THSD7B: variants seen among roughly 807,000 people sequenced by gnomAD.
THSD7B encodes the protein thrombospondin type-1 domain-containing protein 7B.
In THSD7B, 138 loss-of-function variants were observed where a neutral mutation model predicts 213.6. The ratio of observed to expected loss-of-function variants is 0.65; its 90% confidence interval spans 0.56 to 0.74. The LOEUF is 0.74. THSD7B is among the 30% of genes least tolerant of loss of function. THSD7B has a pLI of 0.00. For missense variants in THSD7B, 1,931 were observed against 1,991.5 expected, an observed-to-expected ratio of 0.97 and a Z score of 0.58; for synonymous variants, 742 against 687.0, an observed-to-expected ratio of 1.08 and a Z score of -1.25.
chr2:137,111,687 C>T (rs1422108614), intron 4 of THSD7B, among the ~76,000 whole-genome samples: 1 of 152,106 alleles, frequency 6.6e-6, no homozygotes, highest in Non-Finnish European at 1.5e-5. Flanking sequence ...TGCCCTGATA[C>T]CCTAGTAGTC....
Position 137,657,147 on chromosome 2 carries a change from C to A in THSD7B, c.4362C>A (p.Gly1454=). ...CTGTATGGTGCCAGCGTTCAGATGG[C>A]GTTAATGTCACAGGTATTCCTGCCT... The part of the protein sequence containing the change: ...ERTVWCQRSD[G]VNVTGGCSPQ... The change falls in exon 24 of 28, where the codon GGC becomes GGA. Residue 1454 remains glycine (G), a synonymous_variant. Coordinates refer to ENST00000409968, the MANE Select transcript of THSD7B (RefSeq NM_001316349.2). The A allele has an allele frequency of 6.2e-7, 1 of 1,613,912 alleles. No homozygotes were observed.
intron 2 of THSD7B, among the ~76,000 whole-genome samples, chr2:136,998,909 G>GACACAC (rs57138045): frequency 0.023 from 2,971 of 129,880 alleles, 47 homozygotes; most frequent in South Asian, 0.037. Context: ...ATACCCAACA[G>GACACAC]ACACACACAC....
intron 15 of THSD7B, among the ~76,000 whole-genome samples, chr2:137,478,414 CTG>C (rs1688234442): frequency 6.6e-6 from 1 of 152,000 alleles, no homozygotes; most frequent in Non-Finnish European, 1.5e-5. Flanking sequence ...TTGAAAATTT[CTG>C]TGTGTTTTTT....
chr2:137,066,110 A>G (rs955413370), intron 3 of THSD7B, among the ~76,000 whole-genome samples: 10 of 150,244 alleles, frequency 6.7e-5, no homozygotes, highest in South Asian at 2.1e-4. Flanking sequence ...CTCAATTTTT[A>G]TATGAGAAAA....
intron 2 of THSD7B, among the ~76,000 whole-genome samples, chr2:136,944,712 CT>C (rs146788302): frequency 0.41 from 52,429 of 127,556 alleles, 10,696 homozygotes; most frequent in Non-Finnish European, 0.52. Flanking sequence ...GCAACCCCTG[CT>C]TTTTTTTTTT....
chr2:137,434,062 T>C lies in THSD7B; in HGVS notation c.2960-16783T>C, dbSNP rs543344926. On this transcript the variant is annotated intron_variant, in intron 14 of 27. Coordinates refer to ENST00000409968, the MANE Select transcript of THSD7B (RefSeq NM_001316349.2). ...ATTTGATAAGCATGCCATCTGTGTC[T>C]TTATCCAAGTTGTTAATCAAAATGT... is the stretch of plus-strand genomic sequence containing the variant. Among the ~76,000 whole-genome samples the C allele has an allele frequency of 3.3e-5, 5 of 152,338 alleles. No individual in the cohort carries two copies. In the East Asian group the frequency reaches 9.7e-4, roughly 29 times the overall value.
intron 12 of THSD7B, among the ~76,000 whole-genome samples, chr2:137,321,013 C>T (rs1206000325): frequency 6.6e-6 from 1 of 152,192 alleles, no homozygotes; most frequent in Non-Finnish European, 1.5e-5. Flanking sequence ...CATTAAGCCA[C>T]AAGTTTCTCA....
chr2:137,015,238 A>G (rs1686316743), intron 2 of THSD7B, among the ~76,000 whole-genome samples: 1 of 152,110 alleles, frequency 6.6e-6, no homozygotes, highest in Non-Finnish European at 1.5e-5. Flanking sequence ...CTCATTCTAA[A>G]TGCCAGTTAT....
At chr2:137,448,238 G>A (rs538294508) in intron 14 of THSD7B, among the ~76,000 whole-genome samples, 19 of 152,280 alleles carry the variant, frequency 1.2e-4, no homozygotes, top group African/African-American at 4.3e-4. Context: ...GAACAGAAAA[G>A]GAAGACAATT....
rs186411641 is a variant in THSD7B, at chr2:137,313,879, G to A, written c.2500+37853G>A. Among the ~76,000 whole-genome samples, 6 of 152,324 alleles carry A rather than the reference G, an allele frequency of 3.9e-5. No homozygotes were observed. The East Asian group carries it at 1.2e-3, about 29-fold the overall frequency. On this transcript the variant is annotated intron_variant, in intron 12 of 27. Coordinates refer to ENST00000409968, the MANE Select transcript of THSD7B (RefSeq NM_001316349.2). ...TAGAGTTTCTGCCGAGAGATCTGCT[G>A]TTAGTCTGATGGGCTTCCCTTTGAG...
rs553697315 is a variant in THSD7B at position 137,084,237 on chromosome 2, G to A, written c.951-10636G>A. 2.8e-3 allele frequency among the ~76,000 whole-genome samples: 433 copies of A among 152,138 alleles called. 2 individuals are homozygous for A. The highest frequency in any genetic ancestry group is 4.8e-3 in the Admixed American group (74 of 15,262). On this transcript the variant is annotated intron_variant, in intron 3 of 27. Transcript: ENST00000409968. The stretch of plus-strand genomic sequence containing the variant: ...AACACAGCTATGTCTGCTGTATTGG[G>A]GAAATCTACTTACATGACAGTGAAA...
intron 2 of THSD7B, among the ~76,000 whole-genome samples, chr2:136,915,292 A>G (rs1372658040): frequency 6.6e-6 from 1 of 152,228 alleles, no homozygotes; most frequent in African/African-American, 2.4e-5. Flanking sequence ...CAGAGCGTAG[A>G]AATAATCGGA....
chr2:137,210,419 A>G (rs1353586835), intron 7 of THSD7B, among the ~76,000 whole-genome samples: 1 of 152,118 alleles, frequency 6.6e-6, no homozygotes, highest in Non-Finnish European at 1.5e-5. Flanking sequence ...GAAGTATTCT[A>G]TAAATTATGT....
At chr2:137,538,331 T>A (rs190070652) in intron 15 of THSD7B, among the ~76,000 whole-genome samples, 3 of 151,738 alleles carry the variant, frequency 2.0e-5, no homozygotes, top group African/African-American at 7.2e-5. Flanking sequence ...AGGGTAACAT[T>A]CAAATTGTAG....
intron 1 of THSD7B, among the ~76,000 whole-genome samples, chr2:136,777,012 C>G (rs909918044): frequency 6.6e-6 from 1 of 151,984 alleles, no homozygotes; most frequent in African/African-American, 2.4e-5. Context: ...TGTTGGGACT[C>G]GACATGTGTT....
At chr2:137,667,704 G>A in intron 26 of THSD7B, 70 bp from the exon 27 acceptor site, 1 of 1,288,868 alleles carries the variant, frequency 7.8e-7, no homozygotes, top group Non-Finnish European at 1.1e-6. Flanking sequence ...CAGATCTGAT[G>A]TTGCCCTATC....
In THSD7B at chr2:137,242,459, G is replaced by A; in HGVS notation, c.2153G>A (p.Cys718Tyr). 1 of 1,612,564 alleles carries A rather than the reference G, an allele frequency of 6.2e-7. No homozygotes were observed. The highest frequency in any genetic ancestry group is 8.5e-7 in the Non-Finnish European group (1 of 1,178,658). ...SHVGQVMTKR[C>Y]PDSTRPETVR... ...ACATGGTCTTTTCACATTGACAGAT[G>A]TCCAGATTCTACTCGACCTGAAACT... The change falls in exon 10 of 28, where the codon TGT becomes TAT. Residue 718 changes from cysteine to tyrosine, a missense_variant and splice_region_variant. Cys to Tyr is a radical substitution (Grantham distance 194, BLOSUM62 -2). Transcript: ENST00000409968.
chr2:137,616,379 C>T (rs1472310230), intron 18 of THSD7B, 63 bp downstream of exon 18: 13 of 1,468,312 alleles, frequency 8.9e-6, no homozygotes, highest in African/African-American at 4.2e-5. Flanking sequence ...AGAATTTTTG[C>T]GTGGGTTTTC....
At chr2:137,449,647 TCTAGAGG>T (rs1450637997) in intron 14 of THSD7B, among the ~76,000 whole-genome samples, 1 of 152,164 alleles carries the variant, frequency 6.6e-6, no homozygotes, top group African/African-American at 2.4e-5. Context: ...GCCCTCAGAT[TCTAGAGG>T]CTGCTTGCAG....
Sources: allele counts gnomAD v4.1 joint callset (sites outside exome capture counted in the v4.1 genomes callset), GRCh38; gene constraint gnomAD v4.1.1; transcripts MANE v1.5; gene names NCBI Gene and HGNC (gene_info 2026-07-23, HGNC 2026-07-21).